ITM2B: variants seen among roughly 807,000 people sequenced by gnomAD.
ITM2B encodes integral membrane protein 2B.
Under a neutral mutation model 27.8 loss-of-function variants are expected in ITM2B, and 11 were observed. The observed-to-expected ratio is 0.40, with a 90% confidence interval of 0.25 to 0.66. The LOEUF (loss-of-function observed/expected upper bound fraction) is 0.66. ITM2B is among the 30% of genes least tolerant of loss of function. ITM2B has a pLI of 0.43. For synonymous variants in ITM2B, 114 were observed against 114.3 expected (o/e 1.00, Z 0.02); for missense variants, 296 against 328.9 (o/e 0.90, Z 0.77).
chr13:48,241,176 C>T (rs1029817255), intron 1 of ITM2B, among the ~76,000 whole-genome samples: 3 of 152,182 alleles, frequency 2.0e-5, no homozygotes, highest in African/African-American at 4.8e-5. Context: ...CCATACATGG[C>T]GATCTTAACT....
chr13:48,235,890 G>C (rs1951665456), intron 1 of ITM2B, among the ~76,000 whole-genome samples: 1 of 152,176 alleles, frequency 6.6e-6, no homozygotes, highest in Non-Finnish European at 1.5e-5. Context: ...GGGACCACCT[G>C]CTCTGGTTTT....
chr13:48,237,529 A>T (rs557454766), intron 1 of ITM2B, among the ~76,000 whole-genome samples: 1 of 152,348 alleles, frequency 6.6e-6, no homozygotes, highest in African/African-American at 2.4e-5. Context: ...AATAAGCCTG[A>T]GTGACCTCAT....
chr13:48,253,952 ATT>A lies in ITM2B; in HGVS notation c.246+19_246+20del. 3 of 1,594,040 alleles carry A rather than the reference ATT, an allele frequency of 1.9e-6. No individual in the cohort carries two copies. In the South Asian group the frequency reaches 3.3e-5, roughly 18 times the overall value. On this transcript the variant is annotated intron_variant, in intron 2 of 5. Coordinates refer to ENST00000647800, the MANE Select transcript of ITM2B (RefSeq NM_021999.5). The stretch of plus-strand genomic sequence containing the variant: ...TGCACTTCAAGTAAGTGGAAAAATT[ATT>A]TTGTGTCTCTGATTTTTTTTTTTTT...
At chr13:48,251,814 G>A (rs183117217) in intron 1 of ITM2B, among the ~76,000 whole-genome samples, 196 of 152,214 alleles carry the variant, frequency 1.3e-3, no homozygotes, top group Non-Finnish European at 6.5e-4. Flanking sequence ...TGTTAGGAAT[G>A]ATTTCTTACC....
chr13:48,241,090 A>G (rs979004231), intron 1 of ITM2B, among the ~76,000 whole-genome samples: 2 of 152,212 alleles, frequency 1.3e-5, no homozygotes, highest in African/African-American at 4.8e-5. Flanking sequence ...TGGTTTGGAG[A>G]ATAGAGCATC....
intron 1 of ITM2B, among the ~76,000 whole-genome samples, chr13:48,240,273 T>G (rs1223407831): frequency 6.6e-6 from 1 of 152,224 alleles, no homozygotes; most frequent in African/African-American, 2.4e-5. Flanking sequence ...TGGTGTGATC[T>G]TGGCTCACTG....
chr13:48,252,487 C>T (rs1951761010), intron 1 of ITM2B, among the ~76,000 whole-genome samples: 1 of 152,070 alleles, frequency 6.6e-6, no homozygotes, highest in Non-Finnish European at 1.5e-5. Flanking sequence ...CTAGGTTGTG[C>T]GCTCCTTATG....
intron 1 of ITM2B, among the ~76,000 whole-genome samples, chr13:48,240,288 C>T (rs1951692417): frequency 6.6e-6 from 1 of 152,150 alleles, no homozygotes; most frequent in Admixed American, 6.5e-5. Flanking sequence ...TCACTGCAGC[C>T]TCTGCCTCCC....
In ITM2B at chr13:48,268,306, A is replaced by ATTTT. The variant is rs200114901; in HGVS notation, c.*7092_*7095dup. 3 of 140,066 alleles carry ATTTT rather than the reference A, an allele frequency of 2.1e-5. No individual in the cohort carries two copies. The highest frequency in any genetic ancestry group is 7.1e-5 in the Admixed American group (1 of 14,066). The allele number at this position is 140,066 out of a possible 1,614,324, so 8.7% of individuals were successfully genotyped here. A position where few individuals can be genotyped will look rare whatever the true frequency, so the allele number is the denominator to read the frequency against. ...TGTGTGCTTTTTAAATTTATTTTTTATTTTTTTTTTTTTGAGACAGAGTCT... is the reference window on the plus strand; with the variant it reads ...TGTGTGCTTTTTAAATTTATTTTTTATTTTTTTTTTTTTTTTTGAGACAGAGTCT... On this transcript the variant is annotated 3_prime_UTR_variant, in exon 6 of 6. Transcript: ENST00000647800.
At chr13:48,240,242 G>A (rs1229756497) in intron 1 of ITM2B, among the ~76,000 whole-genome samples, 1 of 152,180 alleles carries the variant, frequency 6.6e-6, no homozygotes, top group East Asian at 1.9e-4. Flanking sequence ...GTCTTGCCCT[G>A]TCACCCAGGC....
At chr13:48,242,446 G>GT in intron 1 of ITM2B, among the ~76,000 whole-genome samples, 1 of 150,576 alleles carries the variant, frequency 6.6e-6, no homozygotes, top group East Asian at 1.9e-4. Flanking sequence ...TCATTCATTA[G>GT]TTTTCTATTC....
chr13:48,255,796 T>G (rs932223478), intron 2 of ITM2B, among the ~76,000 whole-genome samples: 1 of 152,228 alleles, frequency 6.6e-6, no homozygotes, highest in Non-Finnish European at 1.5e-5. Flanking sequence ...ATCAAAACTT[T>G]TTAATATATT....
At chr13:48,245,218 C>T (rs1313696085) in intron 1 of ITM2B, among the ~76,000 whole-genome samples, 3 of 151,740 alleles carry the variant, frequency 2.0e-5, no homozygotes, top group Non-Finnish European at 2.9e-5. Context: ...CCCAGCTACT[C>T]GGAAGGCTGA....
rs1951861476 is a variant in ITM2B, at chr13:48,267,833, A to G, written c.*6609A>G. The G allele has an allele frequency of 6.6e-6, 1 of 152,196 alleles. No homozygotes were observed. Among genetic ancestry groups the G allele is most frequent in the Admixed American group, 6.5e-5 (1 of 15,276 alleles). The allele number at this position is 152,196 out of a possible 1,614,324, so 9.4% of individuals were successfully genotyped here. A position where few individuals can be genotyped will look rare whatever the true frequency, so the allele number is the denominator to read the frequency against. On this transcript the variant is annotated 3_prime_UTR_variant, in exon 6 of 6. Coordinates refer to ENST00000647800, the MANE Select transcript of ITM2B (RefSeq NM_021999.5). ...CTCGGTGCTTAGATTAATTACTTTCAGCCTAGGTTTTTCTGTATATCACCC... is the reference window on the plus strand; with the variant it reads ...CTCGGTGCTTAGATTAATTACTTTCGGCCTAGGTTTTTCTGTATATCACCC...
rs867144378 is a variant in ITM2B at position 48,237,599 on chromosome 13, T to C, written c.117+4122T>C. On this transcript the variant is annotated intron_variant, in intron 1 of 5. Transcript: ENST00000647800. The stretch of plus-strand genomic sequence containing the variant: ...ACTGGAAGTATTTTTTAAGCAGAAA[T>C]ATCTCAAATACGTTTATGTTACAGG... Among the ~76,000 whole-genome samples, 14 of 152,334 alleles carry C rather than the reference T, an allele frequency of 9.2e-5. No individual in the cohort carries two copies. In the South Asian group the frequency reaches 2.5e-3, roughly 27 times the overall value.
rs932170710 is a variant in ITM2B at position 48,236,662 on chromosome 13, A to G, written c.117+3185A>G. Among the ~76,000 whole-genome samples, 5 of 152,192 alleles carry G rather than the reference A, an allele frequency of 3.3e-5. No individual in the cohort carries two copies. In the East Asian group the frequency reaches 9.6e-4, roughly 29 times the overall value. ...CCCTCATATCAAGTAGCAGTGGGTC[A>G]AAGAGAAAGGAGATGGGTAGAGGTA... On this transcript the variant is annotated intron_variant, in intron 1 of 5. Coordinates refer to ENST00000647800, the MANE Select transcript of ITM2B (RefSeq NM_021999.5).
chr13:48,234,008 C>G (rs1951652752), intron 1 of ITM2B, among the ~76,000 whole-genome samples: 1 of 152,148 alleles, frequency 6.6e-6, no homozygotes, highest in Non-Finnish European at 1.5e-5. Flanking sequence ...CCTTTTTCCA[C>G]GGCCCTTCGG....
chr13:48,234,823 T>C (rs898209375), intron 1 of ITM2B, among the ~76,000 whole-genome samples: 15 of 152,202 alleles, frequency 9.9e-5, no homozygotes, highest in African/African-American at 3.6e-4. Flanking sequence ...CGTATTGGTA[T>C]TGTTTTCCTG....
chr13:48,246,712 C>G (rs183435434), intron 1 of ITM2B, among the ~76,000 whole-genome samples: 1 of 152,026 alleles, frequency 6.6e-6, no homozygotes, highest in Admixed American at 6.5e-5. Context: ...GGAAGTATAC[C>G]CAGTCATAGC....
Sources: gnomAD v4.1 joint callset for allele counts (sites outside exome capture counted in the v4.1 genomes callset) on GRCh38, gnomAD v4.1.1 for gene constraint, MANE v1.5 for transcripts, NCBI Gene and HGNC (gene_info 2026-07-23, HGNC 2026-07-21) for gene names.